PRKAG2: variants seen among roughly 807,000 people sequenced by gnomAD.
PRKAG2 encodes the protein 5'-AMP-activated protein kinase subunit gamma-2.
In PRKAG2, 26 loss-of-function variants were observed where a neutral mutation model predicts 69.6. That is an observed-to-expected ratio of 0.37 (90% CI 0.27 to 0.52). The LOEUF is 0.52. Among genes scored for constraint, PRKAG2 ranks in the 20% least tolerant of loss-of-function variants. The probability of loss-of-function intolerance (pLI) is 0.90; values close to 1 mark genes in which losing one functional copy is unlikely to be tolerated. For synonymous variants in PRKAG2, 293 were observed against 285.0 expected, an observed-to-expected ratio of 1.03 and a Z score of -0.28; for missense variants, 557 against 740.0, an observed-to-expected ratio of 0.75 and a Z score of 2.87.
intron 4 of PRKAG2, among the ~76,000 whole-genome samples, chr7:151,649,688 C>T (rs974546859): frequency 3.3e-5 from 5 of 152,154 alleles, no homozygotes; most frequent in African/African-American, 1.2e-4. Context: ...TGTTCAAAAG[C>T]ATGCAGTGCC....
chr7:151,822,211 A>G (rs1563729697), intron 1 of PRKAG2, among the ~76,000 whole-genome samples: 1 of 152,202 alleles, frequency 6.6e-6, no homozygotes, highest in East Asian at 1.9e-4. Context: ...TGTTCTGGCC[A>G]GGGCTGGGGC....
intron 6 of PRKAG2, among the ~76,000 whole-genome samples, chr7:151,579,995 G>T (rs567906022): frequency 6.6e-6 from 1 of 152,274 alleles, no homozygotes; most frequent in Non-Finnish European, 1.5e-5. Flanking sequence ...GCAAAGTAAG[G>T]TTTTTTGGAT....
At chr7:151,839,009 T>C (rs1221689567) in intron 1 of PRKAG2, among the ~76,000 whole-genome samples, 3 of 117,490 alleles carry the variant, frequency 2.6e-5, no homozygotes, top group Non-Finnish European at 5.3e-5. Context: ...AGTGAGACTG[T>C]CTCAAAAAAA....
intron 1 of PRKAG2, among the ~76,000 whole-genome samples, chr7:151,868,826 A>G (rs1211414136): frequency 6.6e-6 from 1 of 152,254 alleles, no homozygotes; most frequent in Non-Finnish European, 1.5e-5. Flanking sequence ...CACCAAAATC[A>G]GCTCTTATAG....
chr7:151,822,400 C>T (rs1417855062), intron 1 of PRKAG2, among the ~76,000 whole-genome samples: 2 of 152,118 alleles, frequency 1.3e-5, no homozygotes, highest in East Asian at 3.9e-4. Flanking sequence ...CACGATGTAC[C>T]CAGCGCTGCC....
In PRKAG2 at chr7:151,632,592, G is replaced by A. The variant is rs1824942252; in HGVS notation, c.685-454C>T. On this transcript the variant is annotated intron_variant, in intron 4 of 15. Transcript: ENST00000287878. The surrounding 1 kb of genome is among the most constrained non-coding windows in gnomAD (Gnocchi z 4.2). The stretch of plus-strand genomic sequence containing the variant: ...TCACCTTCCCAGCACCGGCGGCCGC[G>A]CTCGGCAGGCTCCACCTGCGCAGGT... 3.0e-6 allele frequency: 3 copies of A among 983,902 alleles called. No homozygotes were observed. In the African/African-American group the frequency reaches 5.3e-5, roughly 17 times the overall value. The allele number at this position is 983,902 out of a possible 1,614,324, so 60.9% of individuals were successfully genotyped here.
At chr7:151,667,363 A>C (rs1356449551) in intron 4 of PRKAG2, among the ~76,000 whole-genome samples, 1 of 152,210 alleles carries the variant, frequency 6.6e-6, no homozygotes, top group Non-Finnish European at 1.5e-5. Flanking sequence ...GATTATTCTC[A>C]GAGCTGTCAA....
chr7:151,574,175 C>A (rs1255858688), intron 8 of PRKAG2, among the ~76,000 whole-genome samples: 2 of 152,166 alleles, frequency 1.3e-5, no homozygotes, highest in East Asian at 3.8e-4. Context: ...ATTGAATTAA[C>A]CTACACCTTT....
intron 14 of PRKAG2, among the ~76,000 whole-genome samples, chr7:151,562,314 G>A (rs963754716): frequency 1.4e-5 from 2 of 145,796 alleles, no homozygotes; most frequent in African/African-American, 2.5e-5. Flanking sequence ...TGCCGGCTGC[G>A]CCCTGGGAGA....
rs116705481 is a variant in PRKAG2, at chr7:151,640,863, T to C, written c.685-8725A>G. Among the ~76,000 whole-genome samples, 1,406 of 152,318 alleles carry C rather than the reference T, an allele frequency of 9.2e-3. 29 individuals are homozygous for C. The highest frequency in any genetic ancestry group is 0.032 in the African/African-American group (1,340 of 41,560). ...CCTTGTATTGCCTGTGTGTGACACA[T>C]AGTAGGCATTCAAAAAATATTTGAG... On this transcript the variant is annotated intron_variant, in intron 4 of 15. Transcript: ENST00000287878.
At chr7:151,633,365 G>A (rs569135762) in intron 4 of PRKAG2, among the ~76,000 whole-genome samples, 22 of 152,040 alleles carry the variant, frequency 1.4e-4, no homozygotes, top group African/African-American at 4.8e-4. Context: ...CAGGGTGTCT[G>A]CTCTCACTAA....
intron 1 of PRKAG2, among the ~76,000 whole-genome samples, chr7:151,860,391 G>C (rs528560934): frequency 4.6e-5 from 7 of 152,234 alleles, no homozygotes; most frequent in African/African-American, 1.7e-4. Context: ...GCTTGTCCTT[G>C]CCCACCCCCT....
intron 1 of PRKAG2, among the ~76,000 whole-genome samples, chr7:151,868,300 C>T (rs77935115): frequency 6.6e-6 from 1 of 152,356 alleles, no homozygotes; most frequent in South Asian, 2.1e-4. Flanking sequence ...CACCAAATCA[C>T]CTTCTTCTAC....
At chr7:151,800,337 G>T (rs369451763) in intron 1 of PRKAG2, among the ~76,000 whole-genome samples, 3 of 143,844 alleles carry the variant, frequency 2.1e-5, no homozygotes, top group East Asian at 2.0e-4. Flanking sequence ...CAGCCTGGGC[G>T]ACAGAGCGAG....
chr7:151,608,006 T>C (rs1378005961), intron 5 of PRKAG2, among the ~76,000 whole-genome samples: 2 of 152,090 alleles, frequency 1.3e-5, no homozygotes, highest in African/African-American at 2.4e-5. Context: ...CTAAATCCAA[T>C]GACAAGTGTC....
At chr7:151,561,467 T>G (rs1021455857) in intron 14 of PRKAG2, among the ~76,000 whole-genome samples, 2 of 152,230 alleles carry the variant, frequency 1.3e-5, no homozygotes, top group East Asian at 3.8e-4. Context: ...GAAGTTCATA[T>G]ATTAAGAATC....
In PRKAG2 at chr7:151,708,410, C is replaced by G. The variant is rs145001833; in HGVS notation, c.467-32773G>C. Among the ~76,000 whole-genome samples, 318 of 152,248 alleles carry G rather than the reference C, an allele frequency of 2.1e-3. 1 individual carries two copies. Among genetic ancestry groups the G allele is most frequent in the African/African-American group, 7.4e-3 (306 of 41,554 alleles). On this transcript the variant is annotated intron_variant, in intron 3 of 15. Transcript: ENST00000287878. Reference sequence around the variant, plus strand: ...TGCCAACCTGGCACCTGCCAGCCATCGAAGAGAATAGAAGCAACAAAAAAT... The same window carrying G: ...TGCCAACCTGGCACCTGCCAGCCATGGAAGAGAATAGAAGCAACAAAAAAT...
In PRKAG2 at chr7:151,649,112, A is replaced by ATTATT. The variant is rs56728734; in HGVS notation, c.685-16979_685-16975dup. Among the ~76,000 whole-genome samples the ATTATT allele has an allele frequency of 7.1e-3, 1,076 of 150,798 alleles. 12 individuals carry two copies. Among genetic ancestry groups the ATTATT allele is most frequent in the African/African-American group, 0.016 (671 of 40,844 alleles). ...TAAGTTAGACCTGAGGGAAGGAATG[A>ATTATT]TTATTTTATTTTATTTTATTTTATT... On this transcript the variant is annotated intron_variant, in intron 4 of 15. Transcript: ENST00000287878.
At chr7:151,837,775 T>C (rs1459247616) in intron 1 of PRKAG2, among the ~76,000 whole-genome samples, 1 of 152,154 alleles carries the variant, frequency 6.6e-6, no homozygotes, top group African/African-American at 2.4e-5. Flanking sequence ...TTTACACCAG[T>C]GCCTTCAGAA....
Sources: gnomAD v4.1 joint callset for allele counts (sites outside exome capture counted in the v4.1 genomes callset) on GRCh38, gnomAD v4.1.1 for gene constraint, Gnocchi (gnomAD v3.1) non-coding constraint, MANE v1.5 for transcripts, NCBI Gene and HGNC (gene_info 2026-07-23, HGNC 2026-07-21) for gene names.